The following ING4 variants were observed in gnomAD, a reference collection of about 807,000 sequenced individuals.
ING4 encodes the protein inhibitor of growth family member 4.
In ING4, 28 loss-of-function variants were observed where a neutral mutation model predicts 33.1. The observed-to-expected ratio is 0.85, with a 90% CI of 0.63 to 1.16. The LOEUF is 1.16. Among genes scored for constraint, ING4 ranks in the 50% most tolerant of loss-of-function variants. The probability of loss-of-function intolerance (pLI) is 0.00; values close to 1 mark genes in which losing one functional copy is unlikely to be tolerated. For synonymous variants in ING4, 87 were observed against 104.4 expected (o/e 0.83, Z 1.02); for missense variants, 247 against 314.7 (o/e 0.78, Z 1.63).
intron 2 of ING4, 52 bp downstream of exon 2, chr12:6,656,675 T>C: frequency 2.0e-6 from 2 of 1,022,778 alleles, no homozygotes; most frequent in Non-Finnish European, 1.5e-6. Flanking sequence ...AGTAGAAAAA[T>C]AAATGATTAC....
intron 1 of ING4, among the ~76,000 whole-genome samples, chr12:6,658,953 C>T (rs1949458892): frequency 6.6e-6 from 1 of 152,208 alleles, no homozygotes; most frequent in Non-Finnish European, 1.5e-5. Context: ...AGTTGGAATG[C>T]ACCGCTCGCT....
At chr12:6,662,411 C>G (rs186951244) in intron 1 of ING4, among the ~76,000 whole-genome samples, 11 of 152,238 alleles carry the variant, frequency 7.2e-5, no homozygotes, top group Admixed American at 7.2e-4. Flanking sequence ...ACTCATTTTT[C>G]TATCCCTAGT....
At chr12:6,656,171 C>CT (rs199755461) in intron 2 of ING4, among the ~76,000 whole-genome samples, 18,149 of 140,984 alleles carry the variant, frequency 0.13, 1,855 homozygotes, top group African/African-American at 0.29. Context: ...TTTAATTCTT[C>CT]TTTTTTTTTT....
rs767367162 is a variant in ING4, at chr12:6,651,356, A to C, written c.675T>G (p.Cys225Trp). 1 of 1,614,160 alleles carries C rather than the reference A, an allele frequency of 6.2e-7. No individual in the cohort carries two copies. ...DCSIEWFHFACVGLTTKPRGK... is the reference protein window; with the variant it reads ...DCSIEWFHFAWVGLTTKPRGK... The stretch of plus-strand genomic sequence containing the variant: ...CCCGAGGCTTGGTTGTCAGCCCCAC[A>C]CAGGCAAAATGGAACCACTCAATGG... The change falls in exon 7 of 8, where the codon TGT (cysteine) becomes TGG (tryptophan). Residue 225 changes from cysteine (C) to tryptophan (W), a missense_variant. Physicochemically the swap from Cys to Trp is radical, Grantham distance 215. This residue lies in a region of ING4 where 38 missense variants were observed against 49.7 expected (regional missense o/e 0.77). Transcript: ENST00000341550.
intron 6 of ING4, among the ~76,000 whole-genome samples, chr12:6,651,666 C>G (rs1249255456): frequency 6.6e-6 from 1 of 151,890 alleles, no homozygotes; most frequent in Non-Finnish European, 1.5e-5. Flanking sequence ...CTCAGCCTCC[C>G]AAGCAGCTGA....
chr12:6,661,069 T>C (rs561787210), intron 1 of ING4, among the ~76,000 whole-genome samples: 35 of 151,492 alleles, frequency 2.3e-4, no homozygotes, highest in African/African-American at 7.0e-4. Flanking sequence ...GCTAGGATTA[T>C]AGGCGTGAGC....
At position 6,663,050 on chromosome 12, in the gene ING4, C is replaced by T. The variant is rs370186769; in HGVS notation, c.37+15G>A. On this transcript the variant is annotated intron_variant, in intron 1 of 7. Coordinates refer to ENST00000341550, the MANE Select transcript of ING4 (RefSeq NM_016162.4). ...CACTCTGCAGCCCCGACCCCCACCT[C>T]CAGCCTGCTCTTACTGTCCAGATAA... 4 of 1,613,826 alleles carry T rather than the reference C, an allele frequency of 2.5e-6. No individual in the cohort carries two copies. The African/African-American group carries it at 4.0e-5, about 16-fold the overall frequency.
intron 1 of ING4, among the ~76,000 whole-genome samples, chr12:6,662,022 CTT>C (rs1183972074): frequency 6.6e-6 from 1 of 152,248 alleles, no homozygotes; most frequent in Non-Finnish European, 1.5e-5. Flanking sequence ...GCCTCAGCCT[CTT>C]TCTCCAGTCT....
At chr12:6,653,815 G>A (rs1949262137) in intron 2 of ING4, among the ~76,000 whole-genome samples, 1 of 152,172 alleles carries the variant, frequency 6.6e-6, no homozygotes, top group African/African-American at 2.4e-5. Context: ...GTCATCTGCT[G>A]TTGCTGGTTT....
At chr12:6,656,671 AAAAT>A in intron 2 of ING4, 52 bp downstream of exon 2, 1 of 1,007,226 alleles carries the variant, frequency 9.9e-7, no homozygotes, top group Admixed American at 2.4e-5. Flanking sequence ...ATCAAGTAGA[AAAAT>A]AAATGATTAC....
chr12:6,660,084 T>C (rs1949501309), intron 1 of ING4, among the ~76,000 whole-genome samples: 1 of 152,210 alleles, frequency 6.6e-6, no homozygotes, highest in Non-Finnish European at 1.5e-5. Context: ...AGGTACTCAG[T>C]AAATACTTGA....
intron 2 of ING4, 38 bp from the exon 3 acceptor site, chr12:6,653,434 G>T (rs1252723441): frequency 6.3e-7 from 1 of 1,586,826 alleles, no homozygotes; most frequent in East Asian, 2.2e-5. Flanking sequence ...AATGGCCCCT[G>T]AGTGGCTAGG....
intron 6 of ING4, 104 bp downstream of exon 6, chr12:6,652,167 C>A (rs74057052): frequency 2.9e-6 from 4 of 1,358,332 alleles, no homozygotes; most frequent in African/African-American, 2.9e-5. Context: ...GCCCATCTTT[C>A]TTCTATTCTG....
rs909105315 is a variant in ING4, at chr12:6,661,263, ATTTT to A, written c.37+1798_37+1801del. 2.0e-5 allele frequency among the ~76,000 whole-genome samples: 3 copies of A among 149,556 alleles called. No individual in the cohort carries two copies. In the East Asian group the frequency reaches 5.9e-4, roughly 29 times the overall value. ...CAGGGGCACACCACCACACCTGGCTATTTTTTTTATTTTTAGTAGAGACGGGGTT... is the reference window on the plus strand; with the variant it reads ...CAGGGGCACACCACCACACCTGGCTATTTTATTTTTAGTAGAGACGGGGTT... On this transcript the variant is annotated intron_variant, in intron 1 of 7. Coordinates refer to ENST00000341550, the MANE Select transcript of ING4 (RefSeq NM_016162.4).
At chr12:6,662,871 G>C (rs1379833033) in intron 1 of ING4, among the ~76,000 whole-genome samples, 194 bp downstream of exon 1, 2 of 128,476 alleles carry the variant, frequency 1.6e-5, no homozygotes, top group Non-Finnish European at 3.5e-5. Context: ...CCCCTCCCTC[G>C]TCTACACCCA....
intron 1 of ING4, among the ~76,000 whole-genome samples, chr12:6,660,877 C>T (rs149136396): frequency 3.9e-5 from 6 of 151,956 alleles, no homozygotes; most frequent in Non-Finnish European, 8.8e-5. Flanking sequence ...AGTGCAATGG[C>T]GCAATCTCAG....
chr12:6,661,012 T>C (rs559280785), intron 1 of ING4, among the ~76,000 whole-genome samples: 1 of 149,622 alleles, frequency 6.7e-6, no homozygotes, highest in African/African-American at 2.5e-5. Context: ...AGGCTGGTCT[T>C]GGAACTCCTG....
At position 6,659,275 on chromosome 12, in the gene ING4, G is replaced by A. The variant is rs149402439; in HGVS notation, c.38-2477C>T. ...CTCTACTAAAAATACAAAAATTAGG[G>A]CCAGGCACGGTGGCTCATGCCTGTA... On this transcript the variant is annotated intron_variant, in intron 1 of 7. Transcript: ENST00000341550. Among the ~76,000 whole-genome samples the A allele has an allele frequency of 1.1e-4, 16 of 152,152 alleles. No individual in the cohort carries two copies. In the East Asian group the frequency reaches 2.9e-3, roughly 28 times the overall value.
intron 1 of ING4, among the ~76,000 whole-genome samples, chr12:6,657,359 G>C (rs1417088191): frequency 1.3e-5 from 2 of 152,084 alleles, no homozygotes; most frequent in African/African-American, 4.8e-5. Flanking sequence ...TGAGGCAGGA[G>C]AATGGCATGA....
Sources: gnomAD v4.1 joint callset for allele counts (sites outside exome capture counted in the v4.1 genomes callset) on GRCh38, gnomAD v4.1.1 for gene constraint, gnomAD v4.1.1 regional missense constraint, MANE v1.5 for transcripts, NCBI Gene and HGNC (gene_info 2026-07-23, HGNC 2026-07-21) for gene names.